Variants in PAPPA observed in about 807,000 individuals in gnomAD.
PAPPA encodes pappalysin 1.
A neutral mutation model predicts 164.0 loss-of-function variants in PAPPA; 60 were observed. That is an observed-to-expected ratio of 0.37 (90% CI 0.30 to 0.45). PAPPA has a LOEUF of 0.45. Ranked by LOEUF, PAPPA falls within the 20% of genes least tolerant of loss-of-function variation. The pLI is 1.00. For synonymous variants in PAPPA, 875 were observed against 814.1 expected (o/e 1.07, Z -1.27); for missense variants, 1,782 against 2,087.3 (o/e 0.85, Z 2.85).
intron 21 of PAPPA, among the ~76,000 whole-genome samples, chr9:116,388,860 A>ATGAC (rs1473086830): frequency 1.3e-5 from 2 of 152,232 alleles, no homozygotes; most frequent in Non-Finnish European, 2.9e-5. Flanking sequence ...TATTTGCTAA[A>ATGAC]TGACAGATTT....
chr9:116,311,173 T>A (rs1845713837), intron 10 of PAPPA, among the ~76,000 whole-genome samples: 1 of 151,366 alleles, frequency 6.6e-6, no homozygotes, highest in Non-Finnish European at 1.5e-5. Context: ...TGGTTTTGAT[T>A]AAACAACTTC....
rs187697880 is a variant in PAPPA at position 116,367,921 on chromosome 9, G to A, written c.4605+167G>A. ...TGTTGCAGGGAGGTGGGGTAGAGTC[G>A]GGAGGAGACTTATTCACAATCATTT... On this transcript the variant is annotated intron_variant, in intron 19 of 21. Coordinates refer to ENST00000328252, the MANE Select transcript of PAPPA (RefSeq NM_002581.5). Among the ~76,000 whole-genome samples, 75 of 152,252 alleles carry A rather than the reference G, an allele frequency of 4.9e-4. 1 individual carries two copies. The South Asian group carries it at 0.013, about 27-fold the overall frequency.
intron 2 of PAPPA, among the ~76,000 whole-genome samples, chr9:116,190,998 G>T (rs1429036805): frequency 1.4e-5 from 2 of 145,552 alleles, no homozygotes; most frequent in Non-Finnish European, 3.0e-5. Flanking sequence ...TTTTTGCTTT[G>T]TGAATTTAAA....
chr9:116,317,109 G>A (rs1479462668), intron 10 of PAPPA, among the ~76,000 whole-genome samples: 1 of 152,106 alleles, frequency 6.6e-6, no homozygotes, highest in Non-Finnish European at 1.5e-5. Flanking sequence ...GGGGGAAGAG[G>A]GGAGGAAACA....
At chr9:116,383,829 C>T (rs188390149) in intron 21 of PAPPA, among the ~76,000 whole-genome samples, 114 of 152,184 alleles carry the variant, frequency 7.5e-4, no homozygotes, top group Admixed American at 2.6e-3. Context: ...ACACTGAAGA[C>T]GTACAATTTT....
chr9:116,376,481 C>G (rs1846655338), intron 19 of PAPPA, among the ~76,000 whole-genome samples: 1 of 152,200 alleles, frequency 6.6e-6, no homozygotes, highest in East Asian at 1.9e-4. Flanking sequence ...ATTTTCAAAT[C>G]CTGGTTTCTC....
At chr9:116,254,385 A>C (rs907315088) in intron 7 of PAPPA, among the ~76,000 whole-genome samples, 5 of 152,250 alleles carry the variant, frequency 3.3e-5, no homozygotes, top group African/African-American at 9.6e-5. Flanking sequence ...ATCTGGGTTT[A>C]CTTGTCAGTC....
At position 116,207,455 on chromosome 9, in the gene PAPPA, GA is replaced by G. The variant is rs764123548; in HGVS notation, c.1479del (p.Ala494ProfsTer8). On this transcript the variant is annotated frameshift_variant and splice_region_variant, in exon 3 of 22. Transcript: ENST00000328252. LOFTEE classifies it high-confidence loss of function. ...CAGCCAAGGTTCTTTTTCTGTTTCA[GA>G]GCCTACTTGGATGTTAATGAGCTGA... ...QTCFDPDSPH[R>X]AYLDVNELKN... 1 of 1,607,000 alleles carries G rather than the reference GA, an allele frequency of 6.2e-7. No individual in the cohort carries two copies. Among genetic ancestry groups the G allele is most frequent in the Non-Finnish European group, 8.5e-7 (1 of 1,176,660 alleles).
intron 7 of PAPPA, among the ~76,000 whole-genome samples, chr9:116,244,352 T>C (rs902098104): frequency 3.9e-5 from 6 of 152,184 alleles, no homozygotes; most frequent in African/African-American, 7.2e-5. Context: ...CTGAGACCCA[T>C]AGAAGTTAAA....
At chr9:116,270,552 A>G (rs1845124385) in intron 8 of PAPPA, among the ~76,000 whole-genome samples, 1 of 152,216 alleles carries the variant, frequency 6.6e-6, no homozygotes, top group Admixed American at 6.5e-5. Context: ...TTTGTTTTTT[A>G]AAGGATGACC....
At chr9:116,382,782 G>C (rs892463072) in intron 21 of PAPPA, among the ~76,000 whole-genome samples, 1 of 152,056 alleles carries the variant, frequency 6.6e-6, no homozygotes, top group Non-Finnish European at 1.5e-5. Flanking sequence ...CAAAGTGCTT[G>C]GGGGGCTAGG....
rs190683784 is a variant in PAPPA, at chr9:116,168,001, G to T, written c.415+13414G>T. 3.9e-3 allele frequency among the ~76,000 whole-genome samples: 591 copies of T among 152,272 alleles called. 14 individuals carry two copies. The highest frequency in any genetic ancestry group is 1.9e-3 in the East Asian group (10 of 5,172). On this transcript the variant is annotated intron_variant, in intron 1 of 21. Transcript: ENST00000328252. ...GCAGTAAAATTGAAACTAAAATTTA[G>T]ATCTGTTGACTTCCACATCAGTGCT...
intron 2 of PAPPA, among the ~76,000 whole-genome samples, chr9:116,196,728 C>G (rs572961108): frequency 6.6e-6 from 1 of 152,272 alleles, no homozygotes; most frequent in African/African-American, 2.4e-5. Flanking sequence ...TTCAGAGGAG[C>G]ATTTTCTGTC....
intron 13 of PAPPA, among the ~76,000 whole-genome samples, chr9:116,340,279 CAG>C (rs926934813): frequency 6.6e-5 from 10 of 152,122 alleles, no homozygotes; most frequent in Non-Finnish European, 1.5e-5. Context: ...GGCTGTATCA[CAG>C]AGTTATTTGA....
At chr9:116,288,264 G>C (rs1845366394) in intron 9 of PAPPA, among the ~76,000 whole-genome samples, 1 of 152,072 alleles carries the variant, frequency 6.6e-6, no homozygotes, top group Non-Finnish European at 1.5e-5. Context: ...AGCTACTTGG[G>C]AGGCTGAGGC....
rs1343904104 is a variant in PAPPA, at chr9:116,356,167, G to A, written c.4347+2374G>A. Among the ~76,000 whole-genome samples the A allele has an allele frequency of 2.0e-5, 3 of 152,168 alleles. No individual in the cohort carries two copies. In the East Asian group the frequency reaches 5.8e-4, roughly 29 times the overall value. Reference sequence around the variant, plus strand: ...AAACCTGACTTTATTCATTCCTTGGGAGCCAGTATGACACTGGATCTGTAG... The same window carrying A: ...AAACCTGACTTTATTCATTCCTTGGAAGCCAGTATGACACTGGATCTGTAG... On this transcript the variant is annotated intron_variant, in intron 17 of 21. Transcript: ENST00000328252.
At chr9:116,178,168 G>A (rs995726205) in intron 1 of PAPPA, among the ~76,000 whole-genome samples, 10 of 152,262 alleles carry the variant, frequency 6.6e-5, no homozygotes, top group Admixed American at 2.6e-4. Flanking sequence ...ATGCAGTGGC[G>A]CGATCTCGGC....
At chr9:116,324,810 A>T (rs1845901774) in intron 10 of PAPPA, among the ~76,000 whole-genome samples, 1 of 152,082 alleles carries the variant, frequency 6.6e-6, no homozygotes, top group African/African-American at 2.4e-5. Context: ...TGAGAGAAAG[A>T]GTTGTCCAGC....
chr9:116,369,154 T>G (rs758528900), intron 19 of PAPPA, among the ~76,000 whole-genome samples: 5 of 152,080 alleles, frequency 3.3e-5, no homozygotes, highest in Middle Eastern at 3.2e-3. Context: ...TGTTTCTCTC[T>G]CTCTCTCTCT....
Sources: allele counts gnomAD v4.1 joint callset (sites outside exome capture counted in the v4.1 genomes callset), GRCh38; gene constraint gnomAD v4.1.1; transcripts MANE v1.5; gene names NCBI Gene and HGNC (gene_info 2026-07-23, HGNC 2026-07-21).